The following ANKS1B variants were observed in gnomAD, a reference collection of about 807,000 sequenced individuals.
The protein encoded by ANKS1B is ankyrin repeat and sterile alpha motif domain-containing protein 1B.
Under a neutral mutation model 148.3 loss-of-function variants are expected in ANKS1B, and 36 were observed. The ratio of observed to expected loss-of-function variants is 0.24; its 90% CI spans 0.19 to 0.32. ANKS1B has a LOEUF of 0.32. Ranked by LOEUF, ANKS1B falls within the 10% of genes least tolerant of loss-of-function variation. ANKS1B has a pLI of 1.00. For missense variants in ANKS1B, 1,157 were observed against 1,542.6 expected, an observed-to-expected ratio of 0.75 and a Z score of 4.19; for synonymous variants, 542 against 560.8, an observed-to-expected ratio of 0.97 and a Z score of 0.47.
At chr12:99,909,944 T>C (rs908561676) in intron 1 of ANKS1B, among the ~76,000 whole-genome samples, 7 of 152,188 alleles carry the variant, frequency 4.6e-5, no homozygotes, top group African/African-American at 1.7e-4. Flanking sequence ...CTTAGAAAAG[T>C]GTAGAATTCC....
At chr12:99,867,706 G>A (rs750147187) in intron 1 of ANKS1B, among the ~76,000 whole-genome samples, 2 of 152,160 alleles carry the variant, frequency 1.3e-5, no homozygotes, top group Non-Finnish European at 2.9e-5. Context: ...TTCAAGATGA[G>A]ACTTGAGTGG....
intron 1 of ANKS1B, among the ~76,000 whole-genome samples, chr12:99,887,996 T>C (rs1414175983): frequency 2.0e-5 from 3 of 152,096 alleles, no homozygotes; most frequent in African/African-American, 7.2e-5. Context: ...GCTCAAATAG[T>C]GAAAAACAGC....
intron 16 of ANKS1B, among the ~76,000 whole-genome samples, chr12:99,054,564 A>G (rs1383362017): frequency 6.6e-6 from 1 of 151,986 alleles, no homozygotes; most frequent in Non-Finnish European, 1.5e-5. Context: ...TTTGAAATGG[A>G]GTCTTGCTCT....
chr12:99,928,217 C>T (rs1053169400), intron 1 of ANKS1B, among the ~76,000 whole-genome samples: 1 of 151,796 alleles, frequency 6.6e-6, no homozygotes, highest in African/African-American at 2.4e-5. Context: ...ATCTTCAGTA[C>T]CCAAATTCAA....
intron 9 of ANKS1B, among the ~76,000 whole-genome samples, chr12:99,645,116 A>G (rs971561773): frequency 1.3e-5 from 2 of 152,224 alleles, no homozygotes; most frequent in Admixed American, 1.3e-4. Context: ...TTTTGGGGGA[A>G]TTATTCTGTA....
In ANKS1B at chr12:99,402,234, T is replaced by G. The variant is rs1033785751; in HGVS notation, c.1576-2423A>C. On this transcript the variant is annotated intron_variant, in intron 11 of 26. Coordinates refer to ENST00000683438, the MANE Select transcript of ANKS1B (RefSeq NM_001352186.2). ...TGACATTTTTCTATCCCTCTCTTAC[T>G]CTCCTAATGATGTAGTTGAAAGATG... Among the ~76,000 whole-genome samples, 17 of 146,060 alleles carry G rather than the reference T, an allele frequency of 1.2e-4. 1 individual carries two copies. Among genetic ancestry groups the G allele is most frequent in the Admixed American group, 4.8e-4 (7 of 14,726 alleles).
At chr12:99,039,968 T>G (rs2099957912) in intron 17 of ANKS1B, among the ~76,000 whole-genome samples, 1 of 152,166 alleles carries the variant, frequency 6.6e-6, no homozygotes, top group South Asian at 2.1e-4. Flanking sequence ...GTGGCGTTTG[T>G]ATTGTAGTTT....
intron 8 of ANKS1B, among the ~76,000 whole-genome samples, chr12:99,729,396 T>G (rs1282536757): frequency 6.6e-6 from 1 of 152,168 alleles, no homozygotes; most frequent in Non-Finnish European, 1.5e-5. Flanking sequence ...TTTGCCATTT[T>G]TTTTCTTCTG....
intron 10 of ANKS1B, among the ~76,000 whole-genome samples, chr12:99,463,797 C>G (rs1457683291): frequency 1.3e-5 from 2 of 152,244 alleles, no homozygotes; most frequent in Non-Finnish European, 2.9e-5. Context: ...GAAGCTCGAA[C>G]TGGGTGGAGC....
At chr12:99,335,962 C>T (rs1375828596) in intron 12 of ANKS1B, among the ~76,000 whole-genome samples, 1 of 152,028 alleles carries the variant, frequency 6.6e-6, no homozygotes, top group Non-Finnish European at 1.5e-5. Context: ...GTGGCTCCAC[C>T]AACTTACATT....
rs143369731 is a variant in ANKS1B at position 98,751,693 on chromosome 12, T to C, written c.3580-171A>G. On this transcript the variant is annotated intron_variant, in intron 25 of 26. Transcript: ENST00000683438. This position sits in a 1 kb window ranked among gnomAD's most constrained non-coding sequence, Gnocchi z 4.3. ...AGAACAGGACACTCCGGGTCCAACT[T>C]AGGGTTTACACCAGGCTTTAGTCAT... 8.7e-4 allele frequency among the ~76,000 whole-genome samples: 132 copies of C among 152,274 alleles called. 1 individual carries two copies. The highest frequency in any genetic ancestry group is 2.8e-3 in the African/African-American group (116 of 41,542).
chr12:99,698,349 T>G (rs55719546), intron 8 of ANKS1B, among the ~76,000 whole-genome samples: 4,097 of 152,106 alleles, frequency 0.027, 209 homozygotes, highest in African/African-American at 0.093. Context: ...CTTGGTAAAT[T>G]TGGTGGCATT....
At position 98,768,847 on chromosome 12, in the gene ANKS1B, C is replaced by G. The variant is rs142944124; in HGVS notation, c.3579+4195G>C. Among the ~76,000 whole-genome samples the G allele has an allele frequency of 2.3e-4, 35 of 151,636 alleles. No individual in the cohort carries two copies. The East Asian group carries it at 6.6e-3, about 29-fold the overall frequency. ...CAGGGCCCTGCAGAGTCCCATAGTA[C>G]GTAAACTATGTTAAGCTCACATCCT... is the stretch of plus-strand genomic sequence containing the variant. On this transcript the variant is annotated intron_variant, in intron 25 of 26. Transcript: ENST00000683438.
At chr12:99,584,540 C>A (rs565485443) in intron 9 of ANKS1B, among the ~76,000 whole-genome samples, 2 of 152,156 alleles carry the variant, frequency 1.3e-5, no homozygotes, top group East Asian at 1.9e-4. Context: ...GAGGCTGCAG[C>A]GAGCTGTGAC....
At chr12:98,964,441 G>A (rs572596996) in intron 17 of ANKS1B, among the ~76,000 whole-genome samples, 11 of 152,264 alleles carry the variant, frequency 7.2e-5, no homozygotes, top group African/African-American at 2.6e-4. Context: ...TAATCCCACT[G>A]CTAGGTATAT....
chr12:99,465,953 T>A (rs1481685306), intron 10 of ANKS1B, among the ~76,000 whole-genome samples: 1 of 152,074 alleles, frequency 6.6e-6, no homozygotes, highest in Non-Finnish European at 1.5e-5. Context: ...CTAATAGACA[T>A]CTACAGAACT....
chr12:99,479,635 A>C lies in ANKS1B; in HGVS notation c.1438+24841T>G, dbSNP rs2152929667. 2.0e-5 allele frequency among the ~76,000 whole-genome samples: 3 copies of C among 152,078 alleles called. No individual in the cohort carries two copies. The South Asian group carries it at 6.2e-4, about 31-fold the overall frequency. On this transcript the variant is annotated intron_variant, in intron 10 of 26. Coordinates refer to ENST00000683438, the MANE Select transcript of ANKS1B (RefSeq NM_001352186.2). ...TTAAACAAACCAGGCACAGTAAGAC[A>C]AATACTGCATGACCTCACTTGTATG...
chr12:99,405,241 G>A lies in ANKS1B; in HGVS notation c.1576-5430C>T, dbSNP rs576555886. Among the ~76,000 whole-genome samples the A allele has an allele frequency of 3.1e-4, 45 of 145,436 alleles. 5 individuals carry two copies. The highest frequency in any genetic ancestry group is 8.9e-4 in the Admixed American group (13 of 14,678). The stretch of plus-strand genomic sequence containing the variant: ...ATAACTCATGAGTAAAAAAAACACA[G>A]AATAGTATAACACTGTAATTGGGAT... On this transcript the variant is annotated intron_variant, in intron 11 of 26. Coordinates refer to ENST00000683438, the MANE Select transcript of ANKS1B (RefSeq NM_001352186.2).
intron 17 of ANKS1B, among the ~76,000 whole-genome samples, chr12:98,857,956 T>C (rs2099580358): frequency 6.6e-6 from 1 of 152,232 alleles, no homozygotes; most frequent in African/African-American, 2.4e-5. Context: ...TAGTCTTATC[T>C]TTTTGGGTAT....
Sources: gnomAD v4.1 joint callset for allele counts (sites outside exome capture counted in the v4.1 genomes callset) on GRCh38, gnomAD v4.1.1 for gene constraint, Gnocchi (gnomAD v3.1) non-coding constraint, MANE v1.5 for transcripts, NCBI Gene and HGNC (gene_info 2026-07-23, HGNC 2026-07-21) for gene names.